DMBT1: variants seen among roughly 807,000 people sequenced by gnomAD.
DMBT1 encodes the protein deleted in malignant brain tumors 1.
A neutral mutation model predicts 252.9 loss-of-function variants in DMBT1; 198 were observed. That is an observed-to-expected ratio of 0.78 (90% confidence interval 0.70 to 0.88). The LOEUF (loss-of-function observed/expected upper bound fraction) is 0.88. Ranked by LOEUF, DMBT1 falls within the 40% of genes least tolerant of loss-of-function variation. The pLI is 0.00. For synonymous variants in DMBT1, 990 were observed against 942.7 expected, an observed-to-expected ratio of 1.05 and a Z score of -0.92; for missense variants, 2,432 against 2,404.7, an observed-to-expected ratio of 1.01 and a Z score of -0.24.
intron 16 of DMBT1, among the ~76,000 whole-genome samples, chr10:122,588,419 T>C (rs1283455752): frequency 6.8e-6 from 1 of 148,082 alleles, no homozygotes; most frequent in Non-Finnish European, 1.5e-5. Context: ...AAAAAGATCC[T>C]CATCCAGGTG....
At chr10:122,630,744 C>T (rs1045741316) in intron 48 of DMBT1, among the ~76,000 whole-genome samples, 1 of 152,198 alleles carries the variant, frequency 6.6e-6, no homozygotes, top group Non-Finnish European at 1.5e-5. Flanking sequence ...AGCCACCCCT[C>T]TCCGTCTGGA....
chr10:122,600,890 T>C (rs2097947101), intron 27 of DMBT1, 101 bp from the exon 28 acceptor site: 3 of 645,384 alleles, frequency 4.6e-6, no homozygotes, highest in South Asian at 3.8e-5. Flanking sequence ...GAACAGGAAG[T>C]GGAATTGTTG....
At chr10:122,619,071 G>A (rs1186700192) in intron 41 of DMBT1, among the ~76,000 whole-genome samples, 8 of 152,146 alleles carry the variant, frequency 5.3e-5, no homozygotes, top group South Asian at 4.1e-4. Flanking sequence ...GGTCAACCTG[G>A]TCACCCTGGG....
intron 15 of DMBT1, 93 bp downstream of exon 15, chr10:122,585,402 C>T: frequency 1.4e-6 from 2 of 1,459,514 alleles, no homozygotes; most frequent in Admixed American, 3.5e-5. Context: ...CAAGGTGGGC[C>T]CCTCTGTTTT....
chr10:122,623,315 A>G lies in DMBT1; in HGVS notation c.5608+1935A>G, dbSNP rs28715441. ...TCTATCCATTTATCAGCTTATGGAC[A>G]TATGGGTTGCTTCCATCTTTTGGCT... On this transcript the variant is annotated intron_variant, in intron 44 of 55. Transcript: ENST00000338354. Among the ~76,000 whole-genome samples the G allele has an allele frequency of 7.1e-3, 1,089 of 152,370 alleles. 14 individuals carry two copies. Among genetic ancestry groups the G allele is most frequent in the African/African-American group, 0.025 (1,043 of 41,586 alleles).
chr10:122,565,991 A>G lies in DMBT1; in HGVS notation c.86A>G (p.Asp29Gly). 6.2e-7 allele frequency: 1 copy of G among 1,613,992 alleles called. No homozygotes were observed. The highest frequency in any genetic ancestry group is 8.5e-7 in the Non-Finnish European group (1 of 1,179,856). Residue 29 changes from aspartate to glycine, a missense_variant, in exon 2 of 56, where the codon GAC becomes GGC. Physicochemically the swap from Asp to Gly is moderately conservative, Grantham distance 94. Coordinates refer to ENST00000338354, the MANE Select transcript of DMBT1 (RefSeq NM_001377530.1). ...GGTGGGTGGATCCCAAGGACTACAG[A>G]CTACGGTAAGACCTTTTCTTCACTC... The part of the protein sequence containing the change: ...STGGWIPRTT[D>G]YASLIPSEVP...
chr10:122,598,826 G>A lies in DMBT1; in HGVS notation c.3009G>A (p.Gln1003=), dbSNP rs766504761. 1 of 1,613,634 alleles carries A rather than the reference G, an allele frequency of 6.2e-7. No homozygotes were observed. The highest frequency in any genetic ancestry group is 1.1e-5 in the South Asian group (1 of 91,062). ...LRLVNGGDRC[Q]GRVEVLYQGS... is the part of the protein sequence containing the mutation. ...TGGTGAATGGAGGTGACAGGTGTCA[G>A]GGCCGAGTGGAGGTCCTATACCAAG... is the stretch of plus-strand genomic sequence containing the variant. The change falls in exon 26 of 56, where the codon CAG becomes CAA. Residue 1003 remains glutamine (Q), a synonymous_variant. Coordinates refer to ENST00000338354, the MANE Select transcript of DMBT1 (RefSeq NM_001377530.1).
intron 48 of DMBT1, 67 bp from the exon 49 acceptor site, chr10:122,630,894 T>G: frequency 2.7e-6 from 4 of 1,503,248 alleles, no homozygotes; most frequent in Non-Finnish European, 2.7e-6. Flanking sequence ...TGCTTGGCCT[T>G]TGAGGTTTGT....
intron 26 of DMBT1, 42 bp from the exon 27 acceptor site, chr10:122,600,022 G>C: frequency 6.2e-7 from 1 of 1,607,042 alleles, no homozygotes; most frequent in South Asian, 1.1e-5. Context: ...GCCGACTTCT[G>C]TGTAATGTTC....
chr10:122,631,387 A>G (rs1218121190), intron 49 of DMBT1, 106 bp downstream of exon 49: 1 of 1,421,474 alleles, frequency 7.0e-7, no homozygotes, highest in African/African-American at 1.4e-5. Context: ...GGAGCTGGTC[A>G]TTGTGTCCTC....
chr10:122,600,483 C>T (rs2097938798), intron 27 of DMBT1, among the ~76,000 whole-genome samples: 1 of 152,206 alleles, frequency 6.6e-6, no homozygotes, highest in Non-Finnish European at 1.5e-5. Flanking sequence ...GCTCGATACC[C>T]CCATCCTTCA....
rs2097714424 is a variant in DMBT1, at chr10:122,576,601, A to G, written c.486A>G (p.Gly162=). 1 of 1,613,832 alleles carries G rather than the reference A, an allele frequency of 6.2e-7. No homozygotes were observed. The highest frequency in any genetic ancestry group is 8.5e-7 in the Non-Finnish European group (1 of 1,179,790). ...PGNAWFGQGS[G]PIALDDVRCS... Reference sequence around the variant, plus strand: ...ATGCCTGGTTTGGCCAGGGCTCAGGACCCATTGCCCTGGATGATGTGCGCT... The same window carrying G: ...ATGCCTGGTTTGGCCAGGGCTCAGGGCCCATTGCCCTGGATGATGTGCGCT... The change falls in exon 7 of 56, where the codon GGA becomes GGG. Residue 162 remains glycine, a synonymous_variant. Transcript: ENST00000338354.
In DMBT1 at chr10:122,588,910, G is replaced by A. The variant is rs1452339017; in HGVS notation, c.1784-34G>A. The A allele has an allele frequency of 2.5e-6, 4 of 1,586,638 alleles. 1 individual carries two copies. The highest frequency in any genetic ancestry group is 4.1e-4 in the Middle Eastern group (2 of 4,822). The stretch of plus-strand genomic sequence containing the variant: ...GCCTTAGATCCTTGACCTGCTGATA[G>A]GGATTGATGAAGGGTTCTTGTGTTC... On this transcript the variant is annotated intron_variant, in intron 16 of 55. Coordinates refer to ENST00000338354, the MANE Select transcript of DMBT1 (RefSeq NM_001377530.1).
intron 17 of DMBT1, 138 bp from the exon 18 acceptor site, chr10:122,590,527 G>T: frequency 1.8e-6 from 2 of 1,086,810 alleles, no homozygotes; most frequent in East Asian, 2.5e-5. Flanking sequence ...TTGTGGGGAC[G>T]TGCATGGCAA....
Position 122,599,114 on chromosome 10 carries a change from T to G in DMBT1, c.3280+17T>G. 6.2e-7 allele frequency: 1 copy of G among 1,613,848 alleles called. No homozygotes were observed. The highest frequency in any genetic ancestry group is 8.5e-7 in the Non-Finnish European group (1 of 1,179,760). ...TCTGCTCAGGTGGGCCTTCAAGAAC[T>G]TGGGATCACTCTCTTGGGGTGGAGT... On this transcript the variant is annotated intron_variant, in intron 26 of 55. Coordinates refer to ENST00000338354, the MANE Select transcript of DMBT1 (RefSeq NM_001377530.1).
chr10:122,589,555 T>C (rs186645900), intron 17 of DMBT1, among the ~76,000 whole-genome samples: 1 of 148,108 alleles, frequency 6.8e-6, no homozygotes, highest in Non-Finnish European at 1.5e-5. Context: ...TGCATTTTAG[T>C]GTGGCTGGAA....
chr10:122,598,004 C>G lies in DMBT1; in HGVS notation c.2948C>G (p.Ser983Trp). The G allele has an allele frequency of 6.2e-7, 1 of 1,613,928 alleles. No homozygotes were observed. The highest frequency in any genetic ancestry group is 8.5e-7 in the Non-Finnish European group (1 of 1,179,862). Residue 983 changes from serine to tryptophan, a missense_variant, in exon 25 of 56, where the codon TCG becomes TGG. By Grantham distance (177) the Ser-to-Trp change is radical (BLOSUM62 -3). Transcript: ENST00000338354. The stretch of plus-strand genomic sequence containing the variant: ...TTGCCGACCATCACCTTGCCTGCAT[C>G]GACAGTAGGTAAATATTCCTCTCGC... The part of the protein sequence containing the change: ...DTLPTITLPA[S>W]TVGSESSLAL...
intron 40 of DMBT1, among the ~76,000 whole-genome samples, chr10:122,617,467 G>C (rs183446989): frequency 5.9e-5 from 9 of 151,570 alleles, no homozygotes; most frequent in African/African-American, 1.7e-4. Context: ...ATGGGACCCT[G>C]TTCCAAGTGT....
intron 2 of DMBT1, among the ~76,000 whole-genome samples, chr10:122,567,704 G>A (rs1174636783): frequency 6.6e-6 from 1 of 152,106 alleles, no homozygotes; most frequent in Non-Finnish European, 1.5e-5. Flanking sequence ...GTGGTCTAGT[G>A]GCATCACGTC....
Sources: gnomAD v4.1 joint callset for allele counts (sites outside exome capture counted in the v4.1 genomes callset) on GRCh38, gnomAD v4.1.1 for gene constraint, MANE v1.5 for transcripts, NCBI Gene and HGNC (gene_info 2026-07-23, HGNC 2026-07-21) for gene names.